The following JAG2 variants were observed in gnomAD, a reference collection of about 807,000 sequenced individuals.
JAG2 encodes the protein protein jagged-2.
In JAG2, 46 loss-of-function variants were observed where a neutral mutation model predicts 141.7. That is an observed-to-expected ratio of 0.32 (90% CI 0.26 to 0.42). The LOEUF (loss-of-function observed/expected upper bound fraction) is 0.42, where lower values mean the gene tolerates loss of function less well. JAG2 is among the 10% of genes least tolerant of loss of function. JAG2 has a pLI of 1.00. For synonymous variants in JAG2, 862 were observed against 763.5 expected, an observed-to-expected ratio of 1.13 and a Z score of -2.13; for missense variants, 1,500 against 1,817.5, an observed-to-expected ratio of 0.83 and a Z score of 3.18.
chr14:105,153,456 CG>C (rs1225244774), intron 5 of JAG2, among the ~76,000 whole-genome samples: 1 of 152,216 alleles, frequency 6.6e-6, no homozygotes, highest in Non-Finnish European at 1.5e-5. Context: ...CGGCCACAGC[CG>C]GGCTCAGAGC....
chr14:105,142,926 G>C lies in JAG2; in HGVS notation c.3486C>G (p.Asp1162Glu), dbSNP rs369283841. The C allele has an allele frequency of 3.7e-6, 6 of 1,608,538 alleles. No homozygotes were observed. Among genetic ancestry groups the C allele is most frequent in the Non-Finnish European group, 5.1e-6 (6 of 1,177,746 alleles). Residue 1162 changes from aspartate (D) to glutamate (E), a missense_variant, in exon 26 of 26, where the codon GAC becomes GAG. Coordinates refer to ENST00000331782, the MANE Select transcript of JAG2 (RefSeq NM_002226.5). Reference sequence around the variant, plus strand: ...GGCCGGCCGGCCCGGGCAGCGCCTCGTCCGCCCTGCGCGGCGGCGGCGTGA... The same window carrying C: ...GGCCGGCCGGCCCGGGCAGCGCCTCCTCCGCCCTGCGCGGCGGCGGCGTGA... ...KNFTPPPRRA[D>E]EALPGPAGHA... is the part of the protein sequence containing the mutation.
intron 2 of JAG2, 111 bp from the exon 3 acceptor site, chr14:105,157,874 G>C: frequency 9.9e-7 from 1 of 1,009,582 alleles, no homozygotes; most frequent in Non-Finnish European, 1.5e-6. Flanking sequence ...CCAGGCTCTG[G>C]CCCTTCCTCC....
Position 105,168,607 on chromosome 14 carries a change from C to A in JAG2, c.-187G>T, listed in dbSNP as rs1241173125. On this transcript the variant is annotated 5_prime_UTR_variant, in exon 1 of 26. Transcript: ENST00000331782. Reference sequence around the variant, plus strand: ...CGCCGCGGCGCGCGGGCCTGGGCGGCGGGCGTGCAGGGGCGGCGGCAGCTC... The same window carrying A: ...CGCCGCGGCGCGCGGGCCTGGGCGGAGGGCGTGCAGGGGCGGCGGCAGCTC... 2 of 145,964 alleles carry A rather than the reference C, an allele frequency of 1.4e-5. No individual in the cohort carries two copies. Among genetic ancestry groups the A allele is most frequent in the African/African-American group, 4.9e-5 (2 of 40,550 alleles). The allele number at this position is 145,964 out of a possible 1,614,324, so 9.0% of individuals were successfully genotyped here. A position where few individuals can be genotyped will look rare whatever the true frequency, so the allele number is the denominator to read the frequency against.
chr14:105,145,890 C>T lies in JAG2; in HGVS notation c.2793G>A (p.Leu931=). Residue 931 remains leucine (L), a synonymous_variant, in exon 23 of 26, where the codon CTG becomes CTA. Coordinates refer to ENST00000331782, the MANE Select transcript of JAG2 (RefSeq NM_002226.5). ...GCAGACACTGGCCTGGGGCCTTCTC[C>T]AGGCACCTTTGCCCCAGTGGGCACT... ...SAQCPLGQRC[L]EKAPGQCLRP... The T allele has an allele frequency of 1.3e-6, 2 of 1,563,248 alleles. No homozygotes were observed. The highest frequency in any genetic ancestry group is 1.7e-6 in the Non-Finnish European group (2 of 1,154,722).
intron 18 of JAG2, 109 bp from the exon 19 acceptor site, chr14:105,147,636 C>A: frequency 8.3e-7 from 1 of 1,203,574 alleles, no homozygotes; most frequent in Non-Finnish European, 1.2e-6. Flanking sequence ...GGAGGGTCAT[C>A]AAGGAGGGTG....
chr14:105,157,322 C>T (rs587736946), intron 3 of JAG2, among the ~76,000 whole-genome samples: 4 of 151,916 alleles, frequency 2.6e-5, no homozygotes, highest in Non-Finnish European at 5.9e-5. Flanking sequence ...CATCCCGTTA[C>T]CCCTGCAGGG....
At chr14:105,143,891 C>A in intron 24 of JAG2, among the ~76,000 whole-genome samples, 1 of 144,758 alleles carries the variant, frequency 6.9e-6, no homozygotes, top group Non-Finnish European at 1.5e-5. Flanking sequence ...GACCTCACCA[C>A]CAGGCAGCGA....
intron 1 of JAG2, 49 bp downstream of exon 1, chr14:105,168,306 C>G: frequency 1.5e-6 from 1 of 685,686 alleles, no homozygotes; most frequent in Non-Finnish European, 1.8e-6. Context: ...CTAGGGGCGG[C>G]CCGGTGTGCC....
intron 12 of JAG2, 133 bp from the exon 13 acceptor site, chr14:105,149,453 C>T (rs1203786977): frequency 8.8e-7 from 1 of 1,130,094 alleles, no homozygotes. Flanking sequence ...ACAGTGCCAG[C>T]CAGAGCCCAA....
At position 105,150,904 on chromosome 14, in the gene JAG2, G is replaced by C. The variant is rs772418300; in HGVS notation, c.1389C>G (p.Asn463Lys). The change falls in exon 11 of 26, where the codon AAC (asparagine) becomes AAG (lysine). Residue 463 changes from asparagine (N) to lysine (K), a missense_variant. By Grantham distance (94) the Asn-to-Lys change is moderately conservative. Around this residue, in one of 3 missense-constraint regions of JAG2, gnomAD observed 875 missense variants for 1,202.2 expected, o/e 0.73. Coordinates refer to ENST00000331782, the MANE Select transcript of JAG2 (RefSeq NM_002226.5). ...WKGINCHINVNDCRGQCQHGG... is the reference protein window; with the variant it reads ...WKGINCHINVKDCRGQCQHGG... ...CATGCTGACACTGCCCGCGACAGTC[G>C]TTGACGTCTGGGGGCAGAGGAGCAG... 1 of 1,592,768 alleles carries C rather than the reference G, an allele frequency of 6.3e-7. No individual in the cohort carries two copies. Among genetic ancestry groups the C allele is most frequent in the Non-Finnish European group, 8.5e-7 (1 of 1,170,178 alleles).
Position 105,167,922 on chromosome 14 carries a change from G to T in JAG2, c.252C>A (p.Pro84=). Residue 84 remains proline, a synonymous_variant, in exon 2 of 26, where the codon CCC becomes CCA. Transcript: ENST00000331782. This position sits in a 1 kb window ranked among gnomAD's most constrained non-coding sequence, Gnocchi z 4.8. ...CGTGGCCGTAGCTGCAGGGCCCCGT[G>T]GGCGTCACCTTGGCCTGGTACTCCT... ...CLKEYQAKVT[P]TGPCSYGHGA... 6.3e-7 allele frequency: 1 copy of T among 1,598,214 alleles called. No individual in the cohort carries two copies.
chr14:105,162,671 A>ACCCCAGGTCCAGGG (rs1566770154), intron 2 of JAG2, among the ~76,000 whole-genome samples: 1 of 49,584 alleles, frequency 2.0e-5, no homozygotes, highest in African/African-American at 8.1e-5. Flanking sequence ...AAAGCCCAGG[A>ACCCCAGGTCCAGGG]CACCTCAGGT....
chr14:105,165,562 C>T (rs2140996919), intron 2 of JAG2, among the ~76,000 whole-genome samples: 1 of 152,332 alleles, frequency 6.6e-6, no homozygotes, highest in East Asian at 1.9e-4. Flanking sequence ...GAGACCAGCA[C>T]AGATCCATGA....
At chr14:105,147,171 G>A (rs932440117) in intron 20 of JAG2, 155 bp downstream of exon 20, 6 of 693,196 alleles carry the variant, frequency 8.7e-6, no homozygotes, top group African/African-American at 1.7e-5. Context: ...ACCCCACAGG[G>A]CACAGACATG....
At chr14:105,152,539 G>T (rs1224825872) in intron 5 of JAG2, among the ~76,000 whole-genome samples, 3 of 152,170 alleles carry the variant, frequency 2.0e-5, no homozygotes, top group Non-Finnish European at 1.5e-5. Context: ...GAGCTATTTT[G>T]GGATTCACCC....
At chr14:105,156,084 C>T in intron 3 of JAG2, 95 bp from the exon 4 acceptor site, 1 of 1,489,982 alleles carries the variant, frequency 6.7e-7, no homozygotes, top group South Asian at 1.2e-5. Flanking sequence ...CCTGCGGCTG[C>T]TGCAAGGCCG....
At chr14:105,147,147 G>A (rs755095006) in intron 20 of JAG2, 179 bp downstream of exon 20, 11 of 651,374 alleles carry the variant, frequency 1.7e-5, no homozygotes, top group East Asian at 2.7e-5. Flanking sequence ...CACTTGGCAG[G>A]GTATACAGCA....
intron 3 of JAG2, 141 bp from the exon 4 acceptor site, chr14:105,156,130 C>T (rs587719329): frequency 9.7e-6 from 11 of 1,130,364 alleles, no homozygotes; most frequent in Middle Eastern, 2.9e-4. Flanking sequence ...AGGGCAGGGC[C>T]CCCGGCCAGG....
At chr14:105,153,953 T>A (rs1012191504) in intron 5 of JAG2, among the ~76,000 whole-genome samples, 3 of 152,204 alleles carry the variant, frequency 2.0e-5, no homozygotes, top group African/African-American at 7.2e-5. Context: ...CAGGTCCACC[T>A]TGTTGCACTT....
Sources: allele counts gnomAD v4.1 joint callset (sites outside exome capture counted in the v4.1 genomes callset), GRCh38; gene constraint gnomAD v4.1.1; regional missense constraint gnomAD v4.1.1; non-coding constraint Gnocchi (gnomAD v3.1); transcripts MANE v1.5; gene names NCBI Gene and HGNC (gene_info 2026-07-23, HGNC 2026-07-21).